MAD1L1: variants seen among roughly 807,000 people sequenced by gnomAD.
MAD1L1 encodes mitotic arrest deficient 1 like 1.
In MAD1L1, 95 loss-of-function variants were observed where a neutral mutation model predicts 96.9. The observed-to-expected ratio is 0.98, with a 90% CI of 0.83 to 1.16. The LOEUF is 1.16. MAD1L1 is among the 50% of genes most tolerant of loss of function. The probability of loss-of-function intolerance (pLI) is 0.00; values close to 1 mark genes in which losing one functional copy is unlikely to be tolerated. For synonymous variants in MAD1L1, 473 were observed against 396.6 expected, an observed-to-expected ratio of 1.19 and a Z score of -2.29; for missense variants, 1,007 against 954.4, an observed-to-expected ratio of 1.06 and a Z score of -0.73.
intron 3 of MAD1L1, among the ~76,000 whole-genome samples, chr7:2,228,586 A>G (rs1794029862): frequency 6.6e-6 from 1 of 152,036 alleles, no homozygotes; most frequent in Non-Finnish European, 1.5e-5. Flanking sequence ...GTCAGTGATA[A>G]AAAACAACTA....
At chr7:2,073,728 G>A (rs779141415) in intron 11 of MAD1L1, among the ~76,000 whole-genome samples, 7 of 152,228 alleles carry the variant, frequency 4.6e-5, no homozygotes, top group African/African-American at 4.8e-5. Flanking sequence ...GCATAGGGGC[G>A]TGGGGCTGAG....
chr7:1,922,273 G>T lies in MAD1L1; in HGVS notation c.1807+14414C>A, dbSNP rs916274724. Among the ~76,000 whole-genome samples the T allele has an allele frequency of 2.0e-5, 3 of 152,280 alleles. No homozygotes were observed. In the East Asian group the frequency reaches 5.8e-4, roughly 29 times the overall value. On this transcript the variant is annotated intron_variant, in intron 17 of 18. Coordinates refer to ENST00000265854, the MANE Select transcript of MAD1L1 (RefSeq NM_001013836.2). The stretch of plus-strand genomic sequence containing the variant: ...GCGCTGCACCCCACGAGCCACGAAG[G>T]CAGAGTCTCCATTCACACAGACCTC...
At chr7:1,821,034 T>C (rs1782096264) in intron 18 of MAD1L1, among the ~76,000 whole-genome samples, 1 of 131,980 alleles carries the variant, frequency 7.6e-6, no homozygotes, top group South Asian at 2.4e-4. Context: ...TGAGCCGAGA[T>C]CGTGCCACTG....
intron 17 of MAD1L1, among the ~76,000 whole-genome samples, chr7:1,904,836 C>T (rs1370643885): frequency 8.2e-6 from 1 of 121,420 alleles, no homozygotes; most frequent in Non-Finnish European, 1.6e-5. Flanking sequence ...AGCGAGGACG[C>T]AGTGGCCTAT....
intron 18 of MAD1L1, among the ~76,000 whole-genome samples, chr7:1,825,166 G>A (rs1057143252): frequency 6.6e-6 from 1 of 152,174 alleles, no homozygotes; most frequent in African/African-American, 2.4e-5. Flanking sequence ...AAGACAGGCC[G>A]CTGAGCACAC....
chr7:1,989,579 TG>T (rs1781311743), intron 14 of MAD1L1, among the ~76,000 whole-genome samples: 1 of 152,328 alleles, frequency 6.6e-6, no homozygotes, highest in East Asian at 1.9e-4. Context: ...GGAACAGGTG[TG>T]GGGACCCTGG....
intron 18 of MAD1L1, among the ~76,000 whole-genome samples, chr7:1,895,799 C>A (rs1247620228): frequency 6.6e-6 from 1 of 152,242 alleles, no homozygotes; most frequent in Non-Finnish European, 1.5e-5. Flanking sequence ...GCCCTCAGGA[C>A]CTGCAAAGTC....
intron 16 of MAD1L1, among the ~76,000 whole-genome samples, chr7:1,947,432 G>A (rs1186330347): frequency 3.9e-5 from 6 of 152,252 alleles, no homozygotes; most frequent in African/African-American, 1.2e-4. Flanking sequence ...ATCGTCCGGC[G>A]TCAAAATTCA....
intron 12 of MAD1L1, among the ~76,000 whole-genome samples, chr7:2,025,396 G>T (rs751559105): frequency 3.3e-5 from 5 of 152,152 alleles, no homozygotes; most frequent in Non-Finnish European, 4.4e-5. Flanking sequence ...AGGTTCAAAG[G>T]GTTGTAGGCT....
chr7:2,028,121 G>A (rs942659358), intron 12 of MAD1L1, among the ~76,000 whole-genome samples: 1 of 151,976 alleles, frequency 6.6e-6, no homozygotes, highest in Non-Finnish European at 1.5e-5. Context: ...AAACAATTTC[G>A]AGAGAAAATA....
At chr7:1,847,607 A>G (rs1361216360) in intron 18 of MAD1L1, 1 of 470,996 alleles carries the variant, frequency 2.1e-6, no homozygotes, top group Non-Finnish European at 4.4e-6. Context: ...CAGCATGGAG[A>G]TCTCAGCCCT....
At chr7:2,105,854 AG>A (rs1787062850) in intron 11 of MAD1L1, among the ~76,000 whole-genome samples, 3 of 152,064 alleles carry the variant, frequency 2.0e-5, no homozygotes, top group Admixed American at 2.0e-4. Context: ...GCTCCAGGGT[AG>A]GGCAGCAGGA....
intron 11 of MAD1L1, among the ~76,000 whole-genome samples, chr7:2,108,132 A>G (rs991440012): frequency 6.6e-6 from 1 of 152,264 alleles, no homozygotes; most frequent in Non-Finnish European, 1.5e-5. Context: ...GTACGATAAC[A>G]TTCCCATCAG....
chr7:1,987,705 C>T (rs1221375716), intron 14 of MAD1L1, among the ~76,000 whole-genome samples: 1 of 152,180 alleles, frequency 6.6e-6, no homozygotes, highest in Non-Finnish European at 1.5e-5. Flanking sequence ...CCCGGCTCCA[C>T]GTCTTTTCTC....
chr7:1,903,643 G>A (rs1787419709), intron 17 of MAD1L1, among the ~76,000 whole-genome samples: 1 of 146,058 alleles, frequency 6.8e-6, no homozygotes, highest in South Asian at 2.2e-4. Flanking sequence ...ATGAAGCACT[G>A]TTCCAGGCAG....
intron 17 of MAD1L1, among the ~76,000 whole-genome samples, chr7:1,920,014 TCCCCAGTGACAC>T (rs1788676909): frequency 8.6e-4 from 5 of 5,798 alleles, no homozygotes; most frequent in Non-Finnish European, 1.4e-3. Flanking sequence ...GACACGGAGG[TCCCCAGTGACAC>T]GGAGGTCCCC....
intron 11 of MAD1L1, among the ~76,000 whole-genome samples, chr7:2,106,086 C>G (rs1787082894): frequency 6.6e-6 from 1 of 150,494 alleles, no homozygotes; most frequent in Non-Finnish European, 1.5e-5. Context: ...ACACACAGCG[C>G]CAGCCATCAC....
chr7:1,982,830 CT>C (rs1231102499), intron 14 of MAD1L1, among the ~76,000 whole-genome samples: 1 of 151,950 alleles, frequency 6.6e-6, no homozygotes, highest in African/African-American at 2.4e-5. Flanking sequence ...AGCACATGAC[CT>C]TTTTTTTCAA....
Position 2,216,205 on chromosome 7 carries a change from C to G in MAD1L1, c.761G>C (p.Arg254Thr). ...NMKSELVRLP[R>T]LERELKQLRE... Reference sequence around the variant, plus strand: ...CAGCTGCTTCAGCTCCCGTTCCAGCCTAGGGAGCCGTACCAGCTCAGACTT... The same window carrying G: ...CAGCTGCTTCAGCTCCCGTTCCAGCGTAGGGAGCCGTACCAGCTCAGACTT... Residue 254 changes from arginine to threonine, a missense_variant, in exon 8 of 19, where the codon AGG becomes ACG. Arg to Thr is a moderately conservative substitution (Grantham distance 71, BLOSUM62 -1). Transcript: ENST00000265854. 1 of 1,614,038 alleles carries G rather than the reference C, an allele frequency of 6.2e-7. No homozygotes were observed. Among genetic ancestry groups the G allele is most frequent in the Non-Finnish European group, 8.5e-7 (1 of 1,180,022 alleles).
Sources: gnomAD v4.1 joint callset for allele counts (sites outside exome capture counted in the v4.1 genomes callset) on GRCh38, gnomAD v4.1.1 for gene constraint, MANE v1.5 for transcripts, NCBI Gene and HGNC (gene_info 2026-07-23, HGNC 2026-07-21) for gene names.